The following HTR2C variants were observed in gnomAD, a reference collection of about 807,000 sequenced individuals.
The protein encoded by HTR2C is 5-hydroxytryptamine (serotonin) receptor 2C, G protein-coupled.
HTR2C carries 5 observed loss-of-function variants against 21.0 expected under a neutral mutation model. That is an observed-to-expected ratio of 0.24 (90% CI 0.12 to 0.50). The LOEUF is 0.50. Ranked by LOEUF, HTR2C falls within the 20% of genes least tolerant of loss-of-function variation. The pLI is 0.98. For synonymous variants in HTR2C, 150 were observed against 145.3 expected, an observed-to-expected ratio of 1.03 and a Z score of -0.23; for missense variants, 271 against 371.2, an observed-to-expected ratio of 0.73 and a Z score of 2.22.
chrX:114,594,589 T>C (rs1454404584), intron 1 of HTR2C, among the ~76,000 whole-genome samples: 1 of 111,524 alleles, frequency 9.0e-6, no homozygotes, highest in Non-Finnish European at 1.9e-5. Flanking sequence ...GTAAAGAACA[T>C]TGGAGATACT....
intron 1 of HTR2C, among the ~76,000 whole-genome samples, chrX:114,597,458 G>A (rs113739765): frequency 3.0e-3 from 331 of 111,342 alleles, no homozygotes; most frequent in African/African-American, 9.6e-3. Flanking sequence ...GGACTAAATT[G>A]TGTACCACAT....
At chrX:114,606,105 G>C (rs1318623038) in intron 1 of HTR2C, among the ~76,000 whole-genome samples, 1 of 110,512 alleles carries the variant, frequency 9.0e-6, no homozygotes, top group South Asian at 3.9e-4. Context: ...AGAGATAAGA[G>C]GTTGGGGCAT....
chrX:114,861,404 C>A (rs1223079477), intron 5 of HTR2C, among the ~76,000 whole-genome samples: 4 of 111,047 alleles, frequency 3.6e-5, no homozygotes, highest in Non-Finnish European at 7.6e-5. Context: ...TATGTGCCAC[C>A]GCTTATTTAT....
In HTR2C at chrX:114,707,484, T is replaced by C. The variant is rs183094671; in HGVS notation, c.-79-19374T>C. Reference sequence around the variant, plus strand: ...ATGTATTACAAGTTCATTATTTAAATGAGACTATAAAACCTAAAGATGTAA... The same window carrying C: ...ATGTATTACAAGTTCATTATTTAAACGAGACTATAAAACCTAAAGATGTAA... On this transcript the variant is annotated intron_variant, in intron 2 of 5. Coordinates refer to ENST00000276198, the MANE Select transcript of HTR2C (RefSeq NM_000868.4). 2.7e-5 allele frequency among the ~76,000 whole-genome samples: 3 copies of C among 111,870 alleles called. No homozygotes were observed. The East Asian group carries it at 8.4e-4, about 31-fold the overall frequency.
intron 4 of HTR2C, among the ~76,000 whole-genome samples, chrX:114,802,204 T>G (rs891216679): frequency 9.0e-6 from 1 of 111,353 alleles, no homozygotes; most frequent in African/African-American, 3.3e-5. Flanking sequence ...TGGGAGCCAT[T>G]TAGCACTGGC....
intron 2 of HTR2C, among the ~76,000 whole-genome samples, chrX:114,723,258 C>T (rs1160404470): frequency 1.8e-5 from 2 of 111,014 alleles, no homozygotes; most frequent in South Asian, 3.8e-4. Context: ...GTGTATGTGT[C>T]GAGGAATTTA....
intron 5 of HTR2C, among the ~76,000 whole-genome samples, chrX:114,865,918 C>T (rs1166902870): frequency 3.6e-5 from 4 of 111,027 alleles, no homozygotes; most frequent in African/African-American, 6.5e-5. Context: ...CAGATTCAAG[C>T]GATTCTCCTG....
intron 4 of HTR2C, among the ~76,000 whole-genome samples, chrX:114,827,318 AC>A (rs1377041261): frequency 2.7e-5 from 3 of 110,764 alleles, no homozygotes; most frequent in Non-Finnish European, 5.7e-5. Flanking sequence ...CAAGTTTCTT[AC>A]CCTTAATATT....
intron 2 of HTR2C, among the ~76,000 whole-genome samples, chrX:114,704,678 A>G (rs782414817): frequency 9.0e-6 from 1 of 111,561 alleles, no homozygotes; most frequent in Admixed American, 9.6e-5. Context: ...CTCCACTCCT[A>G]TTCAACATAG....
intron 4 of HTR2C, among the ~76,000 whole-genome samples, chrX:114,843,943 A>T (rs1187283140): frequency 9.0e-6 from 1 of 110,907 alleles, no homozygotes; most frequent in African/African-American, 3.3e-5. Flanking sequence ...ACAAAAAATC[A>T]GAAGGAGTTA....
At chrX:114,764,865 ATCTTTCTTTCTTTCTTTCTTTCTT>A (rs1234459517) in intron 4 of HTR2C, among the ~76,000 whole-genome samples, 26 of 45,257 alleles carry the variant, frequency 5.7e-4, no homozygotes, top group African/African-American at 1.5e-3. Flanking sequence ...CATGGAATCA[ATCTTTCTTTCTTTCTTTCTTTCTT>A]TCTTTCTTTC....
chrX:114,794,255 C>G (rs189694329), intron 4 of HTR2C, among the ~76,000 whole-genome samples: 2 of 110,984 alleles, frequency 1.8e-5, no homozygotes, highest in African/African-American at 6.5e-5. Context: ...TAATAAACAC[C>G]TATTATGCTT....
At chrX:114,867,343 T>G (rs955369366) in intron 5 of HTR2C, among the ~76,000 whole-genome samples, 3 of 111,726 alleles carry the variant, frequency 2.7e-5, no homozygotes, top group Non-Finnish European at 1.9e-5. Context: ...GCCCATTTTT[T>G]GATTGGATTA....
intron 4 of HTR2C, among the ~76,000 whole-genome samples, chrX:114,751,980 T>A (rs990063024): frequency 1.8e-4 from 20 of 111,917 alleles, no homozygotes; most frequent in Non-Finnish European, 3.6e-4. Context: ...AAAACGGAAC[T>A]AATTTCAAAA....
chrX:114,900,970 T>C (rs1303540556), intron 5 of HTR2C, among the ~76,000 whole-genome samples: 5 of 112,503 alleles, frequency 4.4e-5, no homozygotes, highest in Admixed American at 3.8e-4. Flanking sequence ...ATTGTTGTCA[T>C]GTAGCTGACA....
chrX:114,725,249 G>T (rs185001653), intron 2 of HTR2C, among the ~76,000 whole-genome samples: 1 of 110,411 alleles, frequency 9.1e-6, no homozygotes, highest in Non-Finnish European at 1.9e-5. Flanking sequence ...TTCCCTTCTC[G>T]CTTCATTTCA....
chrX:114,803,139 C>T (rs1489154692), intron 4 of HTR2C, among the ~76,000 whole-genome samples: 2 of 96,708 alleles, frequency 2.1e-5, no homozygotes, highest in East Asian at 3.5e-4. Context: ...CATTGTTGGA[C>T]ATTTGGGTTG....
chrX:114,905,646 C>T (rs1441785580), intron 5 of HTR2C, among the ~76,000 whole-genome samples: 2 of 111,784 alleles, frequency 1.8e-5, no homozygotes, highest in Admixed American at 9.5e-5. Flanking sequence ...TCCCAGGCTT[C>T]GACTTCCTGT....
intron 4 of HTR2C, among the ~76,000 whole-genome samples, chrX:114,830,427 T>A (rs1272607124): frequency 2.7e-5 from 3 of 111,035 alleles, no homozygotes; most frequent in African/African-American, 9.8e-5. Flanking sequence ...ACTTTTATTG[T>A]CTTGCCCAAT....
Sources: allele counts gnomAD v4.1 joint callset (sites outside exome capture counted in the v4.1 genomes callset), GRCh38; gene constraint gnomAD v4.1.1; transcripts MANE v1.5; gene names NCBI Gene and HGNC (gene_info 2026-07-23, HGNC 2026-07-21).